CTBP1: variants seen among roughly 807,000 people sequenced by gnomAD.
CTBP1 encodes C-terminal-binding protein 1.
In CTBP1, 11 loss-of-function variants were observed where a neutral mutation model predicts 42.1. The ratio of observed to expected loss-of-function variants is 0.26; its 90% CI spans 0.16 to 0.43. The LOEUF is 0.43. Among genes scored for constraint, CTBP1 ranks in the 20% least tolerant of loss-of-function variants. CTBP1 has a pLI of 1.00. For synonymous variants in CTBP1, 324 were observed against 277.1 expected (o/e 1.17, Z -1.68); for missense variants, 399 against 624.3 (o/e 0.64, Z 3.85).
At chr4:1,248,865 C>T in intron 1 of CTBP1, 51 bp downstream of exon 1, 1 of 892,700 alleles carries the variant, frequency 1.1e-6, no homozygotes, top group African/African-American at 1.8e-5. Context: ...GCGGCACCCG[C>T]CCCGCCCCGC....
rs750540871 is a variant in CTBP1, at chr4:1,238,267, G to A, written c.78C>T (p.Asp26=). Residue 26 remains aspartate (D), a synonymous_variant, in exon 3 of 10, where the codon GAC becomes GAT. Transcript: ENST00000382952. The surrounding 1 kb of genome is among the most constrained non-coding windows in gnomAD (Gnocchi z 5.9). The part of the protein sequence containing the change: ...RPLVALLDGR[D]CTVEMPILKD... Reference sequence around the variant, plus strand: ...TCAGGATGGGCATCTCCACTGTGCAGTCCCGGCCATCCAGCAATGCCACCA... The same window carrying A: ...TCAGGATGGGCATCTCCACTGTGCAATCCCGGCCATCCAGCAATGCCACCA... The A allele has an allele frequency of 2.5e-6, 4 of 1,603,750 alleles. No homozygotes were observed. The South Asian group carries it at 3.3e-5, about 13-fold the overall frequency.
chr4:1,248,569 CG>C, intron 1 of CTBP1: 1 of 568,360 alleles, frequency 1.8e-6, no homozygotes. Flanking sequence ...GATCGGGACC[CG>C]GGGTGCCGTC....
At position 1,220,595 on chromosome 4, in the gene CTBP1, G is replaced by A. The variant is rs192349068; in HGVS notation, c.515-4390C>T. Among the ~76,000 whole-genome samples the A allele has an allele frequency of 1.5e-3, 222 of 152,370 alleles. 1 individual carries two copies. The highest frequency in any genetic ancestry group is 6.8e-3 in the Middle Eastern group (2 of 294). Reference sequence around the variant, plus strand: ...AGCCAAGACCCTCGTCAAGAACATGGTGGAGGATCTCAAGGCTCACAGCCG... The same window carrying A: ...AGCCAAGACCCTCGTCAAGAACATGATGGAGGATCTCAAGGCTCACAGCCG... On this transcript the variant is annotated intron_variant, in intron 5 of 9. Coordinates refer to ENST00000382952, the MANE Select transcript of CTBP1 (RefSeq NM_001012614.2).
At position 1,243,081 on chromosome 4, in the gene CTBP1, C is replaced by T. The variant is rs865844483; in HGVS notation, c.-188-1562G>A. The T allele has an allele frequency of 6.9e-5, 68 of 985,474 alleles. No homozygotes were observed. In the Middle Eastern group the frequency reaches 2.6e-3, roughly 38 times the overall value. The allele number at this position is 985,474 out of a possible 1,614,324, so 61.0% of individuals were successfully genotyped here. A position where few individuals can be genotyped will look rare whatever the true frequency, so the allele number is the denominator to read the frequency against. On this transcript the variant is annotated intron_variant, in intron 1 of 9. Transcript: ENST00000382952. ...TGATACTCATTGATACCAGTCAATA[C>T]TCATCAATGCTACCCACGGTGGCCC...
intron 6 of CTBP1, among the ~76,000 whole-genome samples, 174 bp from the exon 7 acceptor site, chr4:1,214,647 CG>C (rs1455746883): frequency 2.6e-5 from 4 of 152,246 alleles, no homozygotes; most frequent in African/African-American, 9.6e-5. Flanking sequence ...TGCTGCACCG[CG>C]GCCCTGACAG....
chr4:1,228,961 G>C (rs1730681158), intron 3 of CTBP1, among the ~76,000 whole-genome samples: 1 of 152,252 alleles, frequency 6.6e-6, no homozygotes, highest in Non-Finnish European at 1.5e-5. Context: ...GGCTGGCGAG[G>C]CTTGGGTCTG....
intron 5 of CTBP1, 90 bp downstream of exon 5, chr4:1,225,270 C>T: frequency 7.0e-7 from 1 of 1,428,060 alleles, no homozygotes; most frequent in Non-Finnish European, 9.3e-7. Context: ...CAGCCCCACC[C>T]CGCCCCGGGC....
Position 1,212,904 on chromosome 4 carries a change from C to A in CTBP1, c.1106+9G>T. 1 of 1,610,316 alleles carries A rather than the reference C, an allele frequency of 6.2e-7. No individual in the cohort carries two copies. Among genetic ancestry groups the A allele is most frequent in the Non-Finnish European group, 8.5e-7 (1 of 1,177,240 alleles). ...CTGGAGGCTGTTCTGGGCCAGCGGG[C>A]CTGCTCACCTATAGGCAGCCCCATT... On this transcript the variant is annotated intron_variant, in intron 9 of 9. Transcript: ENST00000382952.
rs1292956420 is a variant in CTBP1, at chr4:1,238,582, G to A, written c.8-245C>T. On this transcript the variant is annotated intron_variant, in intron 2 of 9. Coordinates refer to ENST00000382952, the MANE Select transcript of CTBP1 (RefSeq NM_001012614.2). This position sits in a 1 kb window ranked among gnomAD's most constrained non-coding sequence, Gnocchi z 5.9. ...CCCACTACCATCTCCCTTGGGCACA[G>A]GACCTCCGAGACCCTCCAAGTCCCC... Among the ~76,000 whole-genome samples the A allele has an allele frequency of 1.3e-5, 2 of 151,892 alleles. No homozygotes were observed. Among genetic ancestry groups the A allele is most frequent in the Non-Finnish European group, 2.9e-5 (2 of 67,990 alleles).
In CTBP1 at chr4:1,214,409, G is replaced by A; in HGVS notation, c.794C>T (p.Ala265Val). 1 of 1,575,894 alleles carries A rather than the reference G, an allele frequency of 6.3e-7. No homozygotes were observed. Among genetic ancestry groups the A allele is most frequent in the Non-Finnish European group, 8.6e-7 (1 of 1,164,120 alleles). ...GATCCGGCCCTCCTTCAGGGCCTGG[G>A]CCAGCGCCTTCTCATCCACCAGGCC... ...RGGLVDEKAL[A>V]QALKEGRIRG... The change falls in exon 7 of 10, where the codon GCC becomes GTC. Residue 265 changes from alanine (A) to valine (V), a missense_variant. By Grantham distance (64) the Ala-to-Val change is moderately conservative. This residue lies in a region of CTBP1 where 309 missense variants were observed against 497.5 expected (regional missense o/e 0.62). Coordinates refer to ENST00000382952, the MANE Select transcript of CTBP1 (RefSeq NM_001012614.2).
At position 1,238,403 on chromosome 4, in the gene CTBP1, G is replaced by T; in HGVS notation, c.8-66C>A. On this transcript the variant is annotated intron_variant, in intron 2 of 9. Transcript: ENST00000382952. This position sits in a 1 kb window ranked among gnomAD's most constrained non-coding sequence, Gnocchi z 5.9. The stretch of plus-strand genomic sequence containing the variant: ...GCCCCGTGGCTACAACCCACTCCAC[G>T]CCACCCACTGTGCACGGGCCAACGA... The T allele has an allele frequency of 6.7e-7, 1 of 1,494,838 alleles. No homozygotes were observed. The allele number at this position is 1,494,838 out of a possible 1,614,324, so 92.6% of individuals were successfully genotyped here. A position where few individuals can be genotyped will look rare whatever the true frequency, so the allele number is the denominator to read the frequency against.
At chr4:1,228,408 G>A (rs1345127669) in intron 3 of CTBP1, 65 bp from the exon 4 acceptor site, 1 of 1,565,496 alleles carries the variant, frequency 6.4e-7, no homozygotes, top group Admixed American at 1.8e-5. Context: ...GCCTTCGGGG[G>A]TGGGGCTGCC....
chr4:1,227,549 C>A (rs1313210882), intron 4 of CTBP1, among the ~76,000 whole-genome samples: 1 of 142,416 alleles, frequency 7.0e-6, no homozygotes, highest in African/African-American at 2.7e-5. Context: ...TGCATGGCTG[C>A]AGATGTGCGT....
chr4:1,226,254 G>A (rs977635140), intron 4 of CTBP1, among the ~76,000 whole-genome samples: 9 of 152,020 alleles, frequency 5.9e-5, no homozygotes, highest in African/African-American at 2.2e-4. Context: ...CCTCATCCCT[G>A]GCTTGTCCCT....
intron 3 of CTBP1, among the ~76,000 whole-genome samples, chr4:1,230,522 C>A (rs1730855752): frequency 6.6e-6 from 1 of 152,160 alleles, no homozygotes; most frequent in South Asian, 2.1e-4. Flanking sequence ...TGGTGCCAGA[C>A]GTGAGCCCGG....
At chr4:1,212,808 G>C (rs913354592) in intron 9 of CTBP1, 105 bp downstream of exon 9, 29 of 952,800 alleles carry the variant, frequency 3.0e-5, no homozygotes, top group Non-Finnish European at 4.4e-5. Context: ...AGATCCTCCA[G>C]GTCAGTCAGT....
chr4:1,243,243 C>T (rs1461748796), intron 1 of CTBP1: 15 of 985,298 alleles, frequency 1.5e-5, no homozygotes, highest in Admixed American at 6.1e-5. Flanking sequence ...CAGTACGTGC[C>T]CACACCTGTG....
At chr4:1,226,867 G>A (rs1047596524) in intron 4 of CTBP1, among the ~76,000 whole-genome samples, 1 of 151,778 alleles carries the variant, frequency 6.6e-6, no homozygotes, top group Non-Finnish European at 1.5e-5. Context: ...CCCCCAGATG[G>A]AGGCATGGCT....
intron 2 of CTBP1, among the ~76,000 whole-genome samples, chr4:1,239,348 C>T (rs1393302484): frequency 1.3e-5 from 2 of 152,158 alleles, no homozygotes; most frequent in Admixed American, 6.5e-5. Flanking sequence ...GCCGGTCCCT[C>T]CCCTCCTCCT....
Sources: allele counts gnomAD v4.1 joint callset (sites outside exome capture counted in the v4.1 genomes callset), GRCh38; gene constraint gnomAD v4.1.1; regional missense constraint gnomAD v4.1.1; non-coding constraint Gnocchi (gnomAD v3.1); transcripts MANE v1.5; gene names NCBI Gene and HGNC (gene_info 2026-07-23, HGNC 2026-07-21).